Variants in NCAM2 observed in about 807,000 individuals in gnomAD.
NCAM2 encodes N-CAM-2.
In NCAM2, 30 loss-of-function variants were observed where a neutral mutation model predicts 98.1. The observed-to-expected ratio is 0.31, with a 90% CI of 0.23 to 0.41. The LOEUF is 0.41. NCAM2 is among the 10% of genes least tolerant of loss of function. The probability of loss-of-function intolerance (pLI) is 1.00; values close to 1 mark genes in which losing one functional copy is unlikely to be tolerated. For missense variants in NCAM2, 867 were observed against 1,005.8 expected, an observed-to-expected ratio of 0.86 and a Z score of 1.87; for synonymous variants, 368 against 342.4, an observed-to-expected ratio of 1.07 and a Z score of -0.83.
intron 1 of NCAM2, among the ~76,000 whole-genome samples, chr21:21,064,386 T>C (rs2146339305): frequency 6.6e-6 from 1 of 152,378 alleles, no homozygotes; most frequent in South Asian, 2.1e-4. Context: ...AGAAGGCTTC[T>C]TTAAATATCT....
chr21:21,363,883 A>G (rs1285279879), intron 8 of NCAM2, among the ~76,000 whole-genome samples: 2 of 152,026 alleles, frequency 1.3e-5, no homozygotes, highest in Admixed American at 1.3e-4. Flanking sequence ...TTTCTCCTAT[A>G]CATTATTTTA....
At chr21:21,132,605 T>G (rs1356568735) in intron 1 of NCAM2, among the ~76,000 whole-genome samples, 1 of 152,190 alleles carries the variant, frequency 6.6e-6, no homozygotes, top group Admixed American at 6.6e-5. Context: ...CTACACACAT[T>G]AAAATAACTT....
At position 21,117,975 on chromosome 21, in the gene NCAM2, A is replaced by T. The variant is rs117282072; in HGVS notation, c.55+119357A>T. 2.9e-3 allele frequency among the ~76,000 whole-genome samples: 441 copies of T among 152,354 alleles called. 1 individual carries two copies. The highest frequency in any genetic ancestry group is 4.2e-3 in the Non-Finnish European group (289 of 68,032). On this transcript the variant is annotated intron_variant, in intron 1 of 17. Coordinates refer to ENST00000400546, the MANE Select transcript of NCAM2 (RefSeq NM_004540.5). ...TGCCTGATATTTATGACTTTTAAAT[A>T]TATTAATAGTGCTAGAAATAACTTT...
intron 9 of NCAM2, among the ~76,000 whole-genome samples, chr21:21,391,043 A>G (rs1437752503): frequency 6.6e-6 from 1 of 152,158 alleles, no homozygotes; most frequent in Non-Finnish European, 1.5e-5. Flanking sequence ...AAAACCTTTG[A>G]TTTTAGTTAT....
chr21:21,110,048 C>T (rs1418561937), intron 1 of NCAM2, among the ~76,000 whole-genome samples: 2 of 152,168 alleles, frequency 1.3e-5, no homozygotes, highest in African/African-American at 2.4e-5. Context: ...CTGCTTCAAA[C>T]CATTCCATGA....
At chr21:21,141,972 G>T (rs555566272) in intron 1 of NCAM2, among the ~76,000 whole-genome samples, 1 of 152,264 alleles carries the variant, frequency 6.6e-6, no homozygotes, top group East Asian at 1.9e-4. Context: ...AAAGATGATA[G>T]ATAGAGATAA....
intron 1 of NCAM2, among the ~76,000 whole-genome samples, chr21:21,188,431 C>G (rs981598437): frequency 6.6e-6 from 1 of 151,848 alleles, no homozygotes; most frequent in African/African-American, 2.4e-5. Flanking sequence ...TACTTTGAAA[C>G]AAAAAGTAAT....
At chr21:21,341,229 A>G (rs767603154) in intron 8 of NCAM2, among the ~76,000 whole-genome samples, 5 of 152,106 alleles carry the variant, frequency 3.3e-5, no homozygotes, top group Non-Finnish European at 5.9e-5. Context: ...CTATCATGGA[A>G]AGTAGCATGG....
chr21:21,004,519 A>G (rs968507813), intron 1 of NCAM2, among the ~76,000 whole-genome samples: 6 of 152,308 alleles, frequency 3.9e-5, no homozygotes, highest in African/African-American at 1.4e-4. Flanking sequence ...AAAAATTTGC[A>G]TGTGTGTGGA....
rs759561689 is a variant in NCAM2 at position 21,508,966 on chromosome 21, G to T, written c.2193G>T (p.Leu731Phe). ...VSCFFIRQCG[L>F]LMCITRRMCG... ...GCTTCTTTATTCGGCAATGTGGGTT[G>T]CTGATGTGCATCACTAGGAGAATGT... Residue 731 changes from leucine (L) to phenylalanine (F), a missense_variant, in exon 16 of 18, where the codon TTG becomes TTT. By Grantham distance (22) the Leu-to-Phe change is conservative. This residue lies in a region of NCAM2 where 234 missense variants were observed against 333.8 expected (regional missense o/e 0.70). Transcript: ENST00000400546. The T allele has an allele frequency of 6.2e-7, 1 of 1,613,468 alleles. No homozygotes were observed. Among genetic ancestry groups the T allele is most frequent in the Non-Finnish European group, 8.5e-7 (1 of 1,179,774 alleles).
At chr21:21,514,539 T>C (rs1238208592) in intron 16 of NCAM2, among the ~76,000 whole-genome samples, 1 of 151,974 alleles carries the variant, frequency 6.6e-6, no homozygotes, top group Admixed American at 6.6e-5. Flanking sequence ...TTCATGTAGT[T>C]TAATATTTTA....
intron 1 of NCAM2, among the ~76,000 whole-genome samples, chr21:21,157,051 AT>A (rs35519695): frequency 6.6e-6 from 1 of 151,006 alleles, no homozygotes; most frequent in African/African-American, 2.4e-5. Context: ...ATTCCTACAG[AT>A]TTTTTTTTCA....
chr21:21,348,029 A>G (rs1433291938), intron 8 of NCAM2, among the ~76,000 whole-genome samples: 1 of 152,100 alleles, frequency 6.6e-6, no homozygotes, highest in Non-Finnish European at 1.5e-5. Flanking sequence ...AAAAATTGAA[A>G]GTGTTTCCTC....
chr21:21,135,171 G>C (rs972958420), intron 1 of NCAM2, among the ~76,000 whole-genome samples: 1 of 151,432 alleles, frequency 6.6e-6, no homozygotes, highest in Non-Finnish European at 1.5e-5. Flanking sequence ...GTGTGAACCA[G>C]GGAGGCGGAG....
chr21:21,078,339 A>C (rs957759070), intron 1 of NCAM2, among the ~76,000 whole-genome samples: 2 of 152,208 alleles, frequency 1.3e-5, no homozygotes, highest in Non-Finnish European at 2.9e-5. Context: ...CTTTGTGCAG[A>C]TGTAGCCAAA....
chr21:21,018,141 G>A (rs2064355979), intron 1 of NCAM2, among the ~76,000 whole-genome samples: 3 of 152,146 alleles, frequency 2.0e-5, no homozygotes, highest in African/African-American at 7.2e-5. Context: ...ATTAGCCAGT[G>A]TTTAATTTCT....
chr21:21,176,752 A>G (rs2068303052), intron 1 of NCAM2, among the ~76,000 whole-genome samples: 1 of 151,982 alleles, frequency 6.6e-6, no homozygotes, highest in African/African-American at 2.4e-5. Context: ...TTCATTTTCC[A>G]TGTTAAATAC....
chr21:21,500,530 T>C (rs1263829079), intron 15 of NCAM2, among the ~76,000 whole-genome samples: 1 of 124,012 alleles, frequency 8.1e-6, no homozygotes, highest in Non-Finnish European at 2.0e-5. Flanking sequence ...AAATCAAAAT[T>C]TTCATTTTCC....
At chr21:21,236,537 A>G (rs896257038) in intron 1 of NCAM2, among the ~76,000 whole-genome samples, 1 of 151,814 alleles carries the variant, frequency 6.6e-6, no homozygotes, top group African/African-American at 2.4e-5. Context: ...TGTGCAAATT[A>G]TAACATAAAA....
Sources: allele counts gnomAD v4.1 joint callset (sites outside exome capture counted in the v4.1 genomes callset), GRCh38; gene constraint gnomAD v4.1.1; regional missense constraint gnomAD v4.1.1; transcripts MANE v1.5; gene names NCBI Gene and HGNC (gene_info 2026-07-23, HGNC 2026-07-21).